Variants in SRCAP observed in about 807,000 individuals in gnomAD.
SRCAP encodes chromatin remodeling protein SRCAP.
SRCAP carries 46 observed loss-of-function variants against 263.1 expected under a neutral mutation model. The ratio of observed to expected loss-of-function variants is 0.17; its 90% CI spans 0.14 to 0.22. The LOEUF is 0.22. SRCAP is among the 10% of genes least tolerant of loss of function. The pLI, the probability that SRCAP is intolerant of heterozygous loss-of-function variation, is 1.00. For missense variants in SRCAP, 3,695 were observed against 4,181.9 expected (o/e 0.88, Z 3.21); for synonymous variants, 1,813 against 1,662.1 (o/e 1.09, Z -2.21).
At chr16:30,715,601 A>G (rs936350311) in intron 16 of SRCAP, among the ~76,000 whole-genome samples, 1 of 151,004 alleles carries the variant, frequency 6.6e-6, no homozygotes. Flanking sequence ...AGTCTTCCTT[A>G]ACTATTACTT....
chr16:30,722,381 A>G, intron 22 of SRCAP, 95 bp downstream of exon 22: 1 of 1,543,296 alleles, frequency 6.5e-7, no homozygotes, highest in South Asian at 1.2e-5. Context: ...TATGTTTCTT[A>G]CCCAAGCTTT....
At chr16:30,735,421 C>T (rs957727368) in intron 31 of SRCAP, among the ~76,000 whole-genome samples, 1 of 151,292 alleles carries the variant, frequency 6.6e-6, no homozygotes, top group Non-Finnish European at 1.5e-5. Context: ...GCTGGGATTA[C>T]AGGCGTGAGC....
At chr16:30,701,060 T>C (rs554582209) in intron 3 of SRCAP, among the ~76,000 whole-genome samples, 182 bp downstream of exon 3, 2 of 152,200 alleles carry the variant, frequency 1.3e-5, no homozygotes, top group Admixed American at 6.5e-5. Flanking sequence ...TAGTGTAATA[T>C]TATCTCCAAG....
chr16:30,705,050 C>T (rs2052811496), intron 4 of SRCAP, among the ~76,000 whole-genome samples: 1 of 151,968 alleles, frequency 6.6e-6, no homozygotes, highest in African/African-American at 2.4e-5. Flanking sequence ...CCTGTAATCC[C>T]AGCACTTTGG....
chr16:30,721,096 T>C, intron 20 of SRCAP, 93 bp from the exon 21 acceptor site: 1 of 1,536,316 alleles, frequency 6.5e-7, no homozygotes, highest in South Asian at 1.3e-5. Context: ...GGGTCTAGTA[T>C]TTGATGGGTT....
chr16:30,724,040 C>T lies in SRCAP; in HGVS notation c.4616C>T (p.Ser1539Leu). 5.0e-6 allele frequency: 8 copies of T among 1,613,910 alleles called. No homozygotes were observed. Among genetic ancestry groups the T allele is most frequent in the Non-Finnish European group, 6.8e-6 (8 of 1,180,018 alleles). ...PTSSHVPGLNSTVAPACSPVL... is the reference protein window; with the variant it reads ...PTSSHVPGLNLTVAPACSPVL... ...TCTTCACATGTTCCAGGGTTGAACT[C>T]AACCGTGGCCCCAGCATGCTCACCT... Residue 1539 changes from serine to leucine, a missense_variant, in exon 25 of 34, where the codon TCA (serine) becomes TTA (leucine). Ser to Leu is a moderately radical substitution (Grantham distance 145). Transcript: ENST00000262518.
rs557349314 is a variant in SRCAP, at chr16:30,739,682, C to G, written c.9642C>G (p.Pro3214=). The change falls in exon 34 of 34, where the codon CCC becomes CCG. Residue 3214 remains proline (P), a synonymous_variant. Transcript: ENST00000262518. ...GCATCCTGCGCAGCAGCGCCCCTCCCTCCCTGGCTGGCCCTGCTGTTAGTC... is the reference window on the plus strand; with the variant it reads ...GCATCCTGCGCAGCAGCGCCCCTCCGTCCCTGGCTGGCCCTGCTGTTAGTC... ...DQRILRSSAP[P]SLAGPAVSHR... 1.3e-6 allele frequency: 2 copies of G among 1,549,764 alleles called. No homozygotes were observed. Among genetic ancestry groups the G allele is most frequent in the Non-Finnish European group, 1.7e-6 (2 of 1,149,696 alleles).
rs1159900466 is a variant in SRCAP, at chr16:30,739,247, T to G, written c.9207T>G (p.Leu3069=). The part of the protein sequence containing the change: ...GSRPLTRLAR[L]RLEAEGMRGR... ...GCCCCCTCACCCGCCTGGCCCGCCT[T>G]CGGCTTGAAGCAGAAGGAATGCGAG... is the stretch of plus-strand genomic sequence containing the variant. Residue 3069 remains leucine, a synonymous_variant, in exon 34 of 34, where the codon CTT becomes CTG. Coordinates refer to ENST00000262518, the MANE Select transcript of SRCAP (RefSeq NM_006662.3). 1 of 1,613,568 alleles carries G rather than the reference T, an allele frequency of 6.2e-7. No homozygotes were observed. Among genetic ancestry groups the G allele is most frequent in the Non-Finnish European group, 8.5e-7 (1 of 1,179,994 alleles).
Position 30,720,807 on chromosome 16 carries a change from C to G in SRCAP, c.3082C>G (p.Pro1028Ala). ...PLGPVPVRPP[P>A]GPELSAQPTP... is the part of the protein sequence containing the mutation. ...GGGCCCTGTCCCAGTTCGACCTCCT[C>G]CAGGTCCTGAGCTCTCAGCCCAGCC... is the stretch of plus-strand genomic sequence containing the variant. Residue 1028 changes from proline (P) to alanine (A), a missense_variant, in exon 20 of 34, where the codon CCA becomes GCA. By Grantham distance (27) the Pro-to-Ala change is conservative. This residue lies in a region of SRCAP where 1,347 missense variants were observed against 1,304.4 expected (regional missense o/e 1.03). Coordinates refer to ENST00000262518, the MANE Select transcript of SRCAP (RefSeq NM_006662.3). The G allele has an allele frequency of 6.2e-7, 1 of 1,614,116 alleles. No individual in the cohort carries two copies. Among genetic ancestry groups the G allele is most frequent in the Non-Finnish European group, 8.5e-7 (1 of 1,180,022 alleles).
rs865887955 is a variant in SRCAP, at chr16:30,738,435, C to T, written c.8395C>T (p.Pro2799Ser). 1 of 1,553,706 alleles carries T rather than the reference C, an allele frequency of 6.4e-7. No homozygotes were observed. Among genetic ancestry groups the T allele is most frequent in the East Asian group, 2.3e-5 (1 of 44,374 alleles). Residue 2799 changes from proline to serine, a missense_variant, in exon 34 of 34, where the codon CCA (proline) becomes TCA (serine). Pro to Ser is a moderately conservative substitution (Grantham distance 74, BLOSUM62 -1). This residue lies in a region of SRCAP where 1,207 missense variants were observed against 1,142.9 expected (regional missense o/e 1.06). Transcript: ENST00000262518. ...GSPSVRSMSG[P>S]ESSPPIGGPC... ...CCCGTCTGTCCGCAGCATGTCAGGG[C>T]CAGAATCCTCCCCTCCCATTGGTGG...
Position 30,724,395 on chromosome 16 carries a change from A to C in SRCAP, c.4971A>C (p.Pro1657=). 6.2e-7 allele frequency: 1 copy of C among 1,614,020 alleles called. No homozygotes were observed. The highest frequency in any genetic ancestry group is 1.1e-5 in the South Asian group (1 of 91,072). The part of the protein sequence containing the change: ...PVPAPTPVLA[P]SSTQTMLPAP... Reference sequence around the variant, plus strand: ...CAGCTCCAACCCCTGTGTTGGCTCCATCATCAACTCAAACTATGCTACCAG... The same window carrying C: ...CAGCTCCAACCCCTGTGTTGGCTCCCTCATCAACTCAAACTATGCTACCAG... Residue 1657 remains proline (P), a synonymous_variant, in exon 25 of 34, where the codon CCA becomes CCC. Transcript: ENST00000262518.
intron 4 of SRCAP, 99 bp downstream of exon 4, chr16:30,704,414 G>A: frequency 7.6e-6 from 11 of 1,440,160 alleles, no homozygotes; most frequent in Non-Finnish European, 1.0e-5. Flanking sequence ...TTTTGTCATG[G>A]ATTTAGGGTA....
At chr16:30,716,517 T>C in intron 18 of SRCAP, 38 bp downstream of exon 18, 1 of 1,560,606 alleles carries the variant, frequency 6.4e-7, no homozygotes, top group East Asian at 2.3e-5. Flanking sequence ...GTAAAGGTTA[T>C]CGGCATTACT....
Position 30,722,185 on chromosome 16 carries a change from G to A in SRCAP, c.3605G>A (p.Gly1202Glu), listed in dbSNP as rs750237432. Residue 1202 changes from glycine to glutamate, a missense_variant, in exon 22 of 34, where the codon GGG becomes GAG. By Grantham distance (98) the Gly-to-Glu change is moderately conservative. Around this residue, in one of 12 missense-constraint regions of SRCAP, gnomAD observed 1,347 missense variants for 1,304.4 expected, o/e 1.03. Transcript: ENST00000262518. ...SLAQRPVANAGGSKPLTFQIQ... is the reference protein window; with the variant it reads ...SLAQRPVANAEGSKPLTFQIQ... The stretch of plus-strand genomic sequence containing the variant: ...GCACAACGTCCAGTGGCTAATGCAG[G>A]GGGAAGCAAACCTCTCACCTTCCAA... The A allele has an allele frequency of 6.2e-7, 1 of 1,614,184 alleles. No individual in the cohort carries two copies. Among genetic ancestry groups the A allele is most frequent in the Non-Finnish European group, 8.5e-7 (1 of 1,180,044 alleles).
At chr16:30,718,978 C>G (rs2052981765) in intron 18 of SRCAP, among the ~76,000 whole-genome samples, 2 of 150,676 alleles carry the variant, frequency 1.3e-5, no homozygotes, top group African/African-American at 4.9e-5. Flanking sequence ...CGCATTGCAA[C>G]CTCTGCGTCT....
chr16:30,709,940 G>T lies in SRCAP; in HGVS notation c.946G>T (p.Ala316Ser), dbSNP rs1290317849. 1 of 1,614,204 alleles carries T rather than the reference G, an allele frequency of 6.2e-7. No individual in the cohort carries two copies. Among genetic ancestry groups the T allele is most frequent in the South Asian group, 1.1e-5 (1 of 91,084 alleles). The stretch of plus-strand genomic sequence containing the variant: ...ACAACAGGAAGGCAATGATGCAGAG[G>T]CCCAGAGGCGTGAGATTGAGCTGCT... ...EEQQEGNDAE[A>S]QRREIELLRR... Residue 316 changes from alanine (A) to serine (S), a missense_variant, in exon 8 of 34, where the codon GCC (alanine) becomes TCC (serine). By Grantham distance (99) the Ala-to-Ser change is moderately conservative. Transcript: ENST00000262518.
In SRCAP at chr16:30,716,429, T is replaced by C; in HGVS notation, c.2767T>C (p.Phe923Leu). Residue 923 changes from phenylalanine to leucine, a missense_variant, in exon 18 of 34, where the codon TTC becomes CTC. Physicochemically the swap from Phe to Leu is conservative, Grantham distance 22. This residue lies in a region of SRCAP where 147 missense variants were observed against 212.7 expected (regional missense o/e 0.69). Coordinates refer to ENST00000262518, the MANE Select transcript of SRCAP (RefSeq NM_006662.3). ...TSPFITPGIC[F>L]STASLVLRAT... Reference sequence around the variant, plus strand: ...CCCTTTCATCACCCCAGGCATCTGCTTCAGCACCGCCTCTCTGGTGCTAAG... The same window carrying C: ...CCCTTTCATCACCCCAGGCATCTGCCTCAGCACCGCCTCTCTGGTGCTAAG... The C allele has an allele frequency of 6.2e-7, 1 of 1,614,208 alleles. No individual in the cohort carries two copies. The highest frequency in any genetic ancestry group is 8.5e-7 in the Non-Finnish European group (1 of 1,180,030).
At chr16:30,712,592 G>T in intron 13 of SRCAP, 87 bp from the exon 14 acceptor site, 1 of 1,583,274 alleles carries the variant, frequency 6.3e-7, no homozygotes, top group Non-Finnish European at 8.6e-7. Flanking sequence ...TCCTAGGAAG[G>T]GCCAAAGGGT....
intron 30 of SRCAP, 27 bp from the exon 31 acceptor site, chr16:30,734,469 G>T: frequency 6.2e-7 from 1 of 1,613,082 alleles, no homozygotes; most frequent in South Asian, 1.1e-5. Context: ...TGTTGACTCT[G>T]ACACTTCCCT....
Sources: gnomAD v4.1 joint callset for allele counts (sites outside exome capture counted in the v4.1 genomes callset) on GRCh38, gnomAD v4.1.1 for gene constraint, gnomAD v4.1.1 regional missense constraint, MANE v1.5 for transcripts, NCBI Gene and HGNC (gene_info 2026-07-23, HGNC 2026-07-21) for gene names.